Variants in TMEM87A observed in about 807,000 individuals in gnomAD.
TMEM87A encodes transmembrane protein 87A.
TMEM87A carries 50 observed loss-of-function variants against 90.0 expected under a neutral mutation model. The observed-to-expected ratio is 0.56, with a 90% CI of 0.44 to 0.70. The LOEUF (loss-of-function observed/expected upper bound fraction) is 0.70. Among genes scored for constraint, TMEM87A ranks in the 30% least tolerant of loss-of-function variants. The pLI is 0.00. For synonymous variants in TMEM87A, 226 were observed against 226.7 expected (o/e 1.00, Z 0.03); for missense variants, 577 against 660.5 (o/e 0.87, Z 1.39).
chr15:42,217,374 T>C (rs933992462), intron 19 of TMEM87A, among the ~76,000 whole-genome samples: 13 of 152,240 alleles, frequency 8.5e-5, no homozygotes, highest in African/African-American at 3.1e-4. Flanking sequence ...CTGAAGAAGG[T>C]AGTGACAAAA....
Position 42,273,416 on chromosome 15 carries a change from G to A in TMEM87A, c.-18C>T. The A allele has an allele frequency of 2.5e-6, 4 of 1,613,522 alleles. No homozygotes were observed. Among genetic ancestry groups the A allele is most frequent in the Non-Finnish European group, 3.4e-6 (4 of 1,179,914 alleles). ...GCCGCCATCTTCACAGCCGTGGAGTGCCTACCGAAAGCATTTCACCCTCTT... is the reference window on the plus strand; with the variant it reads ...GCCGCCATCTTCACAGCCGTGGAGTACCTACCGAAAGCATTTCACCCTCTT... On this transcript the variant is annotated 5_prime_UTR_variant, in exon 1 of 20. Coordinates refer to ENST00000389834, the MANE Select transcript of TMEM87A (RefSeq NM_015497.5).
Position 42,258,811 on chromosome 15 carries a change from T to C in TMEM87A, c.504+2147A>G, listed in dbSNP as rs193113140. ...AGTTAAAATTCTGTACAAATAAAAC[T>C]GGGGTTTAGGTAGTGAGAACACTTT... On this transcript the variant is annotated intron_variant, in intron 6 of 19. Coordinates refer to ENST00000389834, the MANE Select transcript of TMEM87A (RefSeq NM_015497.5). 28 of 1,458,434 alleles carry C rather than the reference T, an allele frequency of 1.9e-5. No homozygotes were observed. The East Asian group carries it at 3.5e-4, about 18-fold the overall frequency. The allele number at this position is 1,458,434 out of a possible 1,614,324, so 90.3% of individuals were successfully genotyped here.
intron 7 of TMEM87A, among the ~76,000 whole-genome samples, chr15:42,243,547 A>G (rs1345040567): frequency 2.1e-5 from 3 of 144,906 alleles, no homozygotes; most frequent in Admixed American, 6.9e-5. Context: ...AACAAGAACG[A>G]AAGTTCTTGT....
At chr15:42,226,728 A>G (rs1305857484) in intron 15 of TMEM87A, 78 bp downstream of exon 15, 1 of 1,230,842 alleles carries the variant, frequency 8.1e-7, no homozygotes, top group African/African-American at 1.5e-5. Context: ...CAGCCCTGAT[A>G]CTGTCCCCCA....
intron 19 of TMEM87A, among the ~76,000 whole-genome samples, chr15:42,212,464 G>A (rs895421728): frequency 6.6e-5 from 10 of 151,704 alleles, no homozygotes; most frequent in African/African-American, 1.9e-4. Context: ...TATCCTTTCC[G>A]ATGCTCTCTG....
intron 4 of TMEM87A, among the ~76,000 whole-genome samples, chr15:42,261,518 T>C (rs1436661737): frequency 6.6e-6 from 1 of 152,158 alleles, no homozygotes; most frequent in Non-Finnish European, 1.5e-5. Flanking sequence ...GCTTTAGATA[T>C]AGGATGTATG....
chr15:42,258,184 A>G (rs749128123), intron 6 of TMEM87A: 20 of 973,792 alleles, frequency 2.1e-5, no homozygotes, highest in African/African-American at 3.5e-5. Flanking sequence ...ATGCAATACA[A>G]TATTTACCAA....
chr15:42,243,903 T>TGTCAA (rs2050920999), intron 7 of TMEM87A, 147 bp downstream of exon 7: 1 of 476,988 alleles, frequency 2.1e-6, no homozygotes, highest in Non-Finnish European at 3.7e-6. Context: ...GAAAACATGT[T>TGTCAA]ACTAACTAAA....
intron 8 of TMEM87A, among the ~76,000 whole-genome samples, chr15:42,238,316 C>T (rs759026988): frequency 4.6e-5 from 7 of 152,022 alleles, no homozygotes; most frequent in Non-Finnish European, 8.8e-5. Context: ...GCCTGTAATA[C>T]CAGCAATTTG....
At chr15:42,242,066 C>CA (rs570009857) in intron 7 of TMEM87A, among the ~76,000 whole-genome samples, 188 of 57,528 alleles carry the variant, frequency 3.3e-3, no homozygotes, top group Admixed American at 9.3e-3. Context: ...GACTCTATCT[C>CA]AAAAAAAAAA....
intron 15 of TMEM87A, 99 bp downstream of exon 15, chr15:42,226,707 A>G: frequency 2.1e-6 from 2 of 969,322 alleles, no homozygotes; most frequent in East Asian, 2.4e-5. Flanking sequence ...TGTTCCTTCC[A>G]CTATATGACA....
At chr15:42,219,705 C>A (rs906517948) in intron 16 of TMEM87A, 63 bp from the exon 17 acceptor site, 18 of 1,128,496 alleles carry the variant, frequency 1.6e-5, no homozygotes, top group Non-Finnish European at 2.3e-5. Context: ...GTTGGCAAAA[C>A]GGATTCAGAA....
intron 6 of TMEM87A, among the ~76,000 whole-genome samples, chr15:42,257,465 T>TC (rs2051205705): frequency 6.6e-6 from 1 of 152,126 alleles, no homozygotes. Flanking sequence ...GCACCATGCT[T>TC]CTTTCATAGC....
chr15:42,261,570 A>T (rs888529399), intron 4 of TMEM87A, among the ~76,000 whole-genome samples: 1 of 152,216 alleles, frequency 6.6e-6, no homozygotes, highest in African/African-American at 2.4e-5. Context: ...CTCATTCTAC[A>T]GATGAGTAAA....
At chr15:42,262,798 T>C (rs781774093) in intron 4 of TMEM87A, among the ~76,000 whole-genome samples, 26 of 152,240 alleles carry the variant, frequency 1.7e-4, no homozygotes, top group Non-Finnish European at 2.9e-4. Context: ...AGTTGCTAAA[T>C]ATTCCAAAAT....
At chr15:42,273,164 G>T in intron 1 of TMEM87A, 91 bp downstream of exon 1, 1 of 1,517,894 alleles carries the variant, frequency 6.6e-7, no homozygotes. Context: ...CTTTTGAAGA[G>T]ACTTTTGCGG....
At chr15:42,246,122 C>T (rs182484109) in intron 6 of TMEM87A, among the ~76,000 whole-genome samples, 9 of 152,266 alleles carry the variant, frequency 5.9e-5, no homozygotes, top group East Asian at 3.9e-4. Context: ...TCATCTATTA[C>T]GGACATTTCA....
chr15:42,233,440 G>A (rs936783416), intron 10 of TMEM87A, 134 bp from the exon 11 acceptor site: 2 of 631,010 alleles, frequency 3.2e-6, no homozygotes, highest in Admixed American at 3.0e-5. Context: ...ATTCACCTAA[G>A]AGAAAAAAAC....
chr15:42,215,326 C>T (rs540703421), intron 19 of TMEM87A, among the ~76,000 whole-genome samples: 31 of 152,162 alleles, frequency 2.0e-4, no homozygotes, highest in Non-Finnish European at 2.5e-4. Flanking sequence ...GGTGAAACCC[C>T]GTCTCTACTA....
Sources: allele counts gnomAD v4.1 joint callset (sites outside exome capture counted in the v4.1 genomes callset), GRCh38; gene constraint gnomAD v4.1.1; transcripts MANE v1.5; gene names NCBI Gene and HGNC (gene_info 2026-07-23, HGNC 2026-07-21).